Variants in ZNF235 observed in about 807,000 individuals in gnomAD.
ZNF235 encodes the protein zfp-93.
In ZNF235, 25 loss-of-function variants were observed where a neutral mutation model predicts 29.4. The ratio of observed to expected loss-of-function variants is 0.85; its 90% CI spans 0.62 to 1.19. The LOEUF (loss-of-function observed/expected upper bound fraction) is 1.19. ZNF235 is among the 50% of genes most tolerant of loss of function. The probability of loss-of-function intolerance (pLI) is 0.00; values close to 1 mark genes in which losing one functional copy is unlikely to be tolerated. For synonymous variants in ZNF235, 300 were observed against 295.3 expected (o/e 1.02, Z -0.16); for missense variants, 788 against 885.0 (o/e 0.89, Z 1.39).
Position 44,299,656 on chromosome 19 carries a change from T to C in ZNF235, c.92A>G (p.Lys31Arg). 1 of 1,614,108 alleles carries C rather than the reference T, an allele frequency of 6.2e-7. No individual in the cohort carries two copies. The highest frequency in any genetic ancestry group is 8.5e-7 in the Non-Finnish European group (1 of 1,180,014). ...ELGLLDSAQRKLYRDVMLENF... is the reference protein window; with the variant it reads ...ELGLLDSAQRRLYRDVMLENF... The stretch of plus-strand genomic sequence containing the variant: ...CTCCAGCATCACATCTCGGTACAGC[T>C]TCCTCTGGGCAGAGTCCAGCAGCCC... Residue 31 changes from lysine to arginine, a missense_variant, in exon 3 of 5, where the codon AAG (lysine) becomes AGG (arginine). Transcript: ENST00000291182.
chr19:44,300,243 T>C (rs1305630086), intron 2 of ZNF235, among the ~76,000 whole-genome samples: 1 of 152,154 alleles, frequency 6.6e-6, no homozygotes. Flanking sequence ...TTTCCACATC[T>C]GTATAAGAGG....
intron 2 of ZNF235, among the ~76,000 whole-genome samples, chr19:44,299,961 A>G (rs1308299384): frequency 1.3e-5 from 2 of 152,246 alleles, no homozygotes; most frequent in African/African-American, 4.8e-5. Flanking sequence ...TTTGACTGAT[A>G]GCACCAAATT....
intron 4 of ZNF235, among the ~76,000 whole-genome samples, chr19:44,296,765 T>G (rs1358394223): frequency 6.6e-6 from 1 of 152,112 alleles, no homozygotes; most frequent in Non-Finnish European, 1.5e-5. Context: ...AAAAAAGCCT[T>G]AATAAATATA....
rs77359041 is a variant in ZNF235, at chr19:44,304,767, G to A, written c.-49+204C>T. 2.8e-5 allele frequency: 28 copies of A among 985,492 alleles called. No individual in the cohort carries two copies. The East Asian group carries it at 3.0e-3, about 104-fold the overall frequency. 61.0% of individuals were successfully genotyped at this position (985,492 alleles called of 1,614,324 possible). On this transcript the variant is annotated intron_variant, in intron 1 of 4. Transcript: ENST00000291182. ...GTGCGTGAGGACGGCTAGGGCAGCA[G>A]ACCCTCAACCTCGAAGGACGACGCG...
rs529601334 is a variant in ZNF235, at chr19:44,292,352, G to A, written c.239-3156C>T. Reference sequence around the variant, plus strand: ...AAAAATCAATTCAGGATATGAATGAGAAATTTACCAAAGAGAAAGAGATAG... The same window carrying A: ...AAAAATCAATTCAGGATATGAATGAAAAATTTACCAAAGAGAAAGAGATAG... On this transcript the variant is annotated intron_variant, in intron 4 of 4. Coordinates refer to ENST00000291182, the MANE Select transcript of ZNF235 (RefSeq NM_004234.4). Among the ~76,000 whole-genome samples, 3 of 151,600 alleles carry A rather than the reference G, an allele frequency of 2.0e-5. No individual in the cohort carries two copies. The South Asian group carries it at 6.2e-4, about 32-fold the overall frequency.
At chr19:44,302,948 GTATA>G (rs1238476282) in intron 2 of ZNF235, among the ~76,000 whole-genome samples, 4 of 80,132 alleles carry the variant, frequency 5.0e-5, no homozygotes, top group South Asian at 3.0e-4. Flanking sequence ...ATACATATTT[GTATA>G]TATAAATATA....
Position 44,303,380 on chromosome 19 carries a change from C to T in ZNF235, c.15+10G>A. 6.2e-7 allele frequency: 1 copy of T among 1,611,512 alleles called. No individual in the cohort carries two copies. Among genetic ancestry groups the T allele is most frequent in the South Asian group, 1.1e-5 (1 of 90,878 alleles). On this transcript the variant is annotated intron_variant, in intron 2 of 4. Coordinates refer to ENST00000291182, the MANE Select transcript of ZNF235 (RefSeq NM_004234.4). ...TCATTTTAAGAAACACAAAGGCAAA[C>T]CAAACTTACCTGGAACTTGGTCATT... is the stretch of plus-strand genomic sequence containing the variant.
At chr19:44,292,314 GA>G (rs1450800763) in intron 4 of ZNF235, among the ~76,000 whole-genome samples, 1 of 151,440 alleles carries the variant, frequency 6.6e-6, no homozygotes, top group African/African-American at 2.4e-5. Flanking sequence ...AAAGAAATTT[GA>G]AAAGCAATAC....
At chr19:44,296,126 T>A (rs985704335) in intron 4 of ZNF235, among the ~76,000 whole-genome samples, 2 of 152,214 alleles carry the variant, frequency 1.3e-5, no homozygotes, top group African/African-American at 4.8e-5. Context: ...GAGCCCATAC[T>A]GATTATAAAA....
At chr19:44,300,408 T>C (rs1975719416) in intron 2 of ZNF235, among the ~76,000 whole-genome samples, 1 of 152,226 alleles carries the variant, frequency 6.6e-6, no homozygotes, top group African/African-American at 2.4e-5. Context: ...AGCTGCATGA[T>C]AGTCCATAAA....
intron 2 of ZNF235, among the ~76,000 whole-genome samples, chr19:44,302,936 A>T (rs1400820295): frequency 7.3e-6 from 1 of 137,356 alleles, no homozygotes; most frequent in South Asian, 2.1e-4. Context: ...ATGTATTTAT[A>T]TATACATATT....
chr19:44,304,400 T>A, intron 1 of ZNF235, among the ~76,000 whole-genome samples: 1 of 152,026 alleles, frequency 6.6e-6, no homozygotes, highest in South Asian at 2.1e-4. Flanking sequence ...CTAATTCCTG[T>A]CTCCTAAACA....
At chr19:44,303,110 CTTATAAATA>C (rs1157506538) in intron 2 of ZNF235, among the ~76,000 whole-genome samples, 1 of 65,394 alleles carries the variant, frequency 1.5e-5, no homozygotes, top group Non-Finnish European at 2.9e-5. Context: ...ACGTATATTT[CTTATAAATA>C]TATACATATA....
chr19:44,303,274 T>C, intron 2 of ZNF235, 116 bp downstream of exon 2: 3 of 970,320 alleles, frequency 3.1e-6, no homozygotes, highest in South Asian at 1.4e-5. Context: ...ACCTGGCATA[T>C]AACAACATTC....
At chr19:44,292,983 A>C (rs1975605159) in intron 4 of ZNF235, among the ~76,000 whole-genome samples, 1 of 152,076 alleles carries the variant, frequency 6.6e-6, no homozygotes, top group African/African-American at 2.4e-5. Flanking sequence ...TAAGCTCTAT[A>C]AATGAAGGAA....
At position 44,303,382 on chromosome 19, in the gene ZNF235, A is replaced by T. The variant is rs751425534; in HGVS notation, c.15+8T>A. On this transcript the variant is annotated splice_region_variant and intron_variant, in intron 2 of 4. Coordinates refer to ENST00000291182, the MANE Select transcript of ZNF235 (RefSeq NM_004234.4). ...ATTTTAAGAAACACAAAGGCAAACC[A>T]AACTTACCTGGAACTTGGTCATTTT... 2 of 1,612,232 alleles carry T rather than the reference A, an allele frequency of 1.2e-6. No homozygotes were observed. The highest frequency in any genetic ancestry group is 1.7e-6 in the Non-Finnish European group (2 of 1,178,874).
intron 4 of ZNF235, among the ~76,000 whole-genome samples, chr19:44,296,062 C>A (rs1975649573): frequency 6.6e-6 from 1 of 151,926 alleles, no homozygotes. Context: ...AACTTGGTAA[C>A]AAAATAAACA....
At chr19:44,299,000 G>T (rs1247526572) in intron 3 of ZNF235, 97 bp from the exon 4 acceptor site, 1 of 776,034 alleles carries the variant, frequency 1.3e-6, no homozygotes. Flanking sequence ...CCCTGCCCCA[G>T]CATGCAATGT....
chr19:44,301,974 T>A (rs1975744468), intron 2 of ZNF235, among the ~76,000 whole-genome samples: 1 of 152,218 alleles, frequency 6.6e-6, no homozygotes, highest in African/African-American at 2.4e-5. Context: ...TTAAACTAAG[T>A]ATGTGCATCT....
Sources: allele counts gnomAD v4.1 joint callset (sites outside exome capture counted in the v4.1 genomes callset), GRCh38; gene constraint gnomAD v4.1.1; transcripts MANE v1.5; gene names NCBI Gene and HGNC (gene_info 2026-07-23, HGNC 2026-07-21).